Variants in NTN1 observed in about 807,000 individuals in gnomAD.
The protein encoded by NTN1 is netrin 1, also known as netrin-1.
A neutral mutation model predicts 54.2 loss-of-function variants in NTN1; 11 were observed. That is an observed-to-expected ratio of 0.20 (90% CI 0.13 to 0.34). The LOEUF is 0.34. Ranked by LOEUF, NTN1 falls within the 10% of genes least tolerant of loss-of-function variation. NTN1 has a pLI of 1.00. For synonymous variants in NTN1, 371 were observed against 382.0 expected (o/e 0.97, Z 0.33); for missense variants, 740 against 893.1 (o/e 0.83, Z 2.18).
intron 5 of NTN1, among the ~76,000 whole-genome samples, chr17:9,216,808 CA>C (rs1378905120): frequency 6.6e-6 from 1 of 152,184 alleles, no homozygotes; most frequent in Non-Finnish European, 1.5e-5. Context: ...TTTGGGAGGC[CA>C]AGGCGGGTGG....
chr17:9,108,484 A>C (rs1486997221), intron 2 of NTN1, among the ~76,000 whole-genome samples: 3 of 152,356 alleles, frequency 2.0e-5, no homozygotes, highest in South Asian at 4.1e-4. Context: ...ATGCTGATCA[A>C]ATAATCCACA....
chr17:9,129,619 G>A (rs1171728258), intron 2 of NTN1, among the ~76,000 whole-genome samples: 4 of 152,154 alleles, frequency 2.6e-5, no homozygotes, highest in African/African-American at 9.7e-5. Flanking sequence ...CACCCTCGGC[G>A]TCTGCCTCCC....
chr17:9,202,919 T>G (rs1316775562), intron 5 of NTN1, among the ~76,000 whole-genome samples: 1 of 152,038 alleles, frequency 6.6e-6, no homozygotes, highest in African/African-American at 2.4e-5. Flanking sequence ...TTTTTCTTAT[T>G]TTTTTATTTT....
At chr17:9,096,394 G>A in intron 2 of NTN1, among the ~76,000 whole-genome samples, 1 of 28,284 alleles carries the variant, frequency 3.5e-5, no homozygotes, top group Non-Finnish European at 6.6e-5. Flanking sequence ...TTTTTGAGAT[G>A]GAGTCTTGCT....
chr17:9,191,391 C>T (rs1904453236), intron 5 of NTN1, among the ~76,000 whole-genome samples: 1 of 152,140 alleles, frequency 6.6e-6, no homozygotes, highest in Non-Finnish European at 1.5e-5. Context: ...ACCTGGGAGG[C>T]GGAGGTTGCG....
chr17:9,197,656 T>TC (rs1274812918), intron 5 of NTN1, among the ~76,000 whole-genome samples: 2 of 116,574 alleles, frequency 1.7e-5, no homozygotes, highest in African/African-American at 7.3e-5. Context: ...CAAGACTCTG[T>TC]CCAAAAAAAA....
At chr17:9,235,738 C>CT (rs113894662) in intron 6 of NTN1, among the ~76,000 whole-genome samples, 6 of 55,294 alleles carry the variant, frequency 1.1e-4, no homozygotes, top group Admixed American at 4.9e-4. Flanking sequence ...CTTCTTTCTT[C>CT]TTTTTTTTTT....
At chr17:9,094,579 A>G (rs778526569) in intron 2 of NTN1, among the ~76,000 whole-genome samples, 4 of 152,152 alleles carry the variant, frequency 2.6e-5, no homozygotes, top group African/African-American at 9.7e-5. Flanking sequence ...TGCTTGTCAG[A>G]TAAGTTTTAC....
At chr17:9,039,846 G>T (rs1489479954) in intron 2 of NTN1, among the ~76,000 whole-genome samples, 1 of 152,016 alleles carries the variant, frequency 6.6e-6, no homozygotes, top group South Asian at 2.1e-4. Context: ...TTTCTGGGGG[G>T]GTATTCATTG....
At position 9,239,528 on chromosome 17, in the gene NTN1, T is replaced by G; in HGVS notation, c.1487-112T>G. ...CCACGCGCTCCTGTATGGGCCACTC[T>G]GTGCAGTCACTTCCTGGGGCTGGGT... On this transcript the variant is annotated intron_variant, in intron 6 of 6. Coordinates refer to ENST00000173229, the MANE Select transcript of NTN1 (RefSeq NM_004822.3). This position sits in a 1 kb window ranked among gnomAD's most constrained non-coding sequence, Gnocchi z 5.2. 9.5e-7 allele frequency: 1 copy of G among 1,049,610 alleles called. No individual in the cohort carries two copies. The allele number at this position is 1,049,610 out of a possible 1,614,324, so 65.0% of individuals were successfully genotyped here.
chr17:9,156,072 G>GC (rs2092341083), intron 2 of NTN1, among the ~76,000 whole-genome samples: 1 of 152,008 alleles, frequency 6.6e-6, no homozygotes, highest in Admixed American at 6.6e-5. Flanking sequence ...GGGAAGAAGC[G>GC]CCCCCCACCG....
chr17:9,126,519 A>AAGAG (rs139048465), intron 2 of NTN1, among the ~76,000 whole-genome samples: 12 of 151,248 alleles, frequency 7.9e-5, no homozygotes, highest in Non-Finnish European at 1.0e-4. Context: ...CTCAAGAAAA[A>AAGAG]AGAGAGAGAG....
chr17:9,082,439 T>C (rs1432348698), intron 2 of NTN1, among the ~76,000 whole-genome samples: 5 of 152,220 alleles, frequency 3.3e-5, no homozygotes, highest in African/African-American at 1.2e-4. Flanking sequence ...ACAGCTGCAT[T>C]TTGTAAATGT....
At chr17:9,031,036 G>T (rs915435152) in intron 2 of NTN1, among the ~76,000 whole-genome samples, 4 of 152,158 alleles carry the variant, frequency 2.6e-5, no homozygotes, top group African/African-American at 7.2e-5. Context: ...GCTATTGCTA[G>T]ATTTTCTAGA....
chr17:9,155,601 A>G (rs944180049), intron 2 of NTN1, among the ~76,000 whole-genome samples: 2 of 151,602 alleles, frequency 1.3e-5, no homozygotes, highest in Non-Finnish European at 2.9e-5. Flanking sequence ...TCGGCCTCCC[A>G]AAGTGCTGGG....
At chr17:9,150,045 T>A (rs1443398153) in intron 2 of NTN1, among the ~76,000 whole-genome samples, 2 of 152,016 alleles carry the variant, frequency 1.3e-5, no homozygotes, top group Non-Finnish European at 2.9e-5. Flanking sequence ...CTACTAAAAA[T>A]ACAAAAATTA....
At chr17:9,214,791 C>T (rs919921518) in intron 5 of NTN1, among the ~76,000 whole-genome samples, 1 of 152,192 alleles carries the variant, frequency 6.6e-6, no homozygotes, top group African/African-American at 2.4e-5. Flanking sequence ...CACTGCACTC[C>T]AGCCTGGGCA....
chr17:9,021,962 T>C (rs1196214789), intron 1 of NTN1, among the ~76,000 whole-genome samples: 12 of 151,946 alleles, frequency 7.9e-5, no homozygotes, highest in South Asian at 2.1e-4. Context: ...GCGCGGGCCG[T>C]GCAGAGTCGG....
intron 2 of NTN1, among the ~76,000 whole-genome samples, chr17:9,108,374 C>T (rs2092176115): frequency 1.3e-5 from 2 of 152,142 alleles, no homozygotes; most frequent in South Asian, 4.1e-4. Context: ...TGGCCCTCTC[C>T]CTACTGCTTC....
Sources: gnomAD v4.1 joint callset for allele counts (sites outside exome capture counted in the v4.1 genomes callset) on GRCh38, gnomAD v4.1.1 for gene constraint, Gnocchi (gnomAD v3.1) non-coding constraint, MANE v1.5 for transcripts, NCBI Gene and HGNC (gene_info 2026-07-23, HGNC 2026-07-21) for gene names.